ZBTB43: variants seen among roughly 807,000 people sequenced by gnomAD.
ZBTB43 encodes the protein zinc finger and BTB domain containing 43.
ZBTB43 carries 6 observed loss-of-function variants against 31.1 expected under a neutral mutation model. The ratio of observed to expected loss-of-function variants is 0.19; its 90% CI spans 0.11 to 0.38. The LOEUF is 0.38. ZBTB43 is among the 10% of genes least tolerant of loss of function. The probability of loss-of-function intolerance (pLI) is 1.00; values close to 1 mark genes in which losing one functional copy is unlikely to be tolerated. For missense variants in ZBTB43, 379 were observed against 602.1 expected, an observed-to-expected ratio of 0.63 and a Z score of 3.88; for synonymous variants, 212 against 221.7, an observed-to-expected ratio of 0.96 and a Z score of 0.39.
rs111347708 is a variant in ZBTB43, at chr9:126,816,203, T to G, written c.-24+7288T>G. On this transcript the variant is annotated intron_variant, in intron 2 of 2. Coordinates refer to ENST00000373464, the MANE Select transcript of ZBTB43 (RefSeq NM_014007.4). ...GATCTCTCTTCTCTGTTCTCCTGCT[T>G]TATCATCTTCTCTCTCGCTGTTTTC... is the stretch of plus-strand genomic sequence containing the variant. 7.9e-5 allele frequency among the ~76,000 whole-genome samples: 12 copies of G among 152,296 alleles called. 1 individual carries two copies. The highest frequency in any genetic ancestry group is 2.9e-4 in the African/African-American group (12 of 41,562).
chr9:126,824,214 A>T (rs2032580312), intron 2 of ZBTB43, among the ~76,000 whole-genome samples: 1 of 152,136 alleles, frequency 6.6e-6, no homozygotes. Context: ...TTTGGTAGAA[A>T]TGGGGTTTCA....
intron 2 of ZBTB43, among the ~76,000 whole-genome samples, chr9:126,811,109 C>G (rs2032238170): frequency 6.6e-6 from 1 of 151,096 alleles, no homozygotes. Context: ...GTGGTCTCAG[C>G]TACTCAGGAG....
intron 2 of ZBTB43, among the ~76,000 whole-genome samples, chr9:126,814,332 A>AAT (rs2032324238): frequency 6.0e-4 from 4 of 6,712 alleles, no homozygotes; most frequent in Non-Finnish European, 7.7e-4. Flanking sequence ...TAAAATGTAA[A>AAT]TTTTACATCT....
intron 2 of ZBTB43, among the ~76,000 whole-genome samples, chr9:126,826,372 C>G (rs2032636536): frequency 6.6e-6 from 1 of 151,248 alleles, no homozygotes; most frequent in Non-Finnish European, 1.5e-5. Context: ...GTCTCGAACT[C>G]CTGACCTCAA....
chr9:126,828,292 T>A (rs916157270), intron 2 of ZBTB43, among the ~76,000 whole-genome samples: 2 of 151,686 alleles, frequency 1.3e-5, no homozygotes, highest in African/African-American at 4.8e-5. Context: ...CACTCCATTC[T>A]CCTGCCTCAG....
Position 126,833,559 on chromosome 9 carries a change from T to C in ZBTB43, c.1050T>C (p.Asn350=), listed in dbSNP as rs769496767. Residue 350 remains asparagine, a synonymous_variant, in exon 3 of 3, where the codon AAT becomes AAC. Transcript: ENST00000373464. This position sits in a 1 kb window ranked among gnomAD's most constrained non-coding sequence, Gnocchi z 7.9. ...EAALAAGYSE[N]IEMVTGIKEE... is the part of the protein sequence containing the mutation. ...CCCTCGCAGCAGGTTACAGTGAGAATATTGAAATGGTAACAGGGATTAAAG... is the reference window on the plus strand; with the variant it reads ...CCCTCGCAGCAGGTTACAGTGAGAACATTGAAATGGTAACAGGGATTAAAG... 4 of 1,613,926 alleles carry C rather than the reference T, an allele frequency of 2.5e-6. No homozygotes were observed. The highest frequency in any genetic ancestry group is 3.3e-5 in the Admixed American group (2 of 60,002).
chr9:126,814,327 TGTAAATTTTACATCTGTAAAAA>T (rs151092127), intron 2 of ZBTB43, among the ~76,000 whole-genome samples: 2,342 of 146,842 alleles, frequency 0.016, 1 homozygote, highest in Middle Eastern at 0.032. Context: ...ATCTGTAAAA[TGTAAATTTTACATCTGTAAAAA>T]TTTTACAGAT....
intron 1 of ZBTB43, among the ~76,000 whole-genome samples, chr9:126,805,653 A>C (rs2032109282): frequency 6.6e-6 from 1 of 152,154 alleles, no homozygotes; most frequent in African/African-American, 2.4e-5. Context: ...GTCGCTGTCA[A>C]CCTGATATTT....
At chr9:126,816,088 A>C (rs1295952060) in intron 2 of ZBTB43, among the ~76,000 whole-genome samples, 2 of 152,140 alleles carry the variant, frequency 1.3e-5, no homozygotes, top group African/African-American at 4.8e-5. Flanking sequence ...AAGGTTTTCC[A>C]TTCAGGGCAG....
At position 126,835,354 on chromosome 9, in the gene ZBTB43, TCA is replaced by T. The variant is rs2032857148; in HGVS notation, c.*1443_*1444del. 6.0e-6 allele frequency: 1 copy of T among 167,120 alleles called. No individual in the cohort carries two copies. Among genetic ancestry groups the T allele is most frequent in the Admixed American group, 6.5e-5 (1 of 15,290 alleles). 10.4% of individuals were successfully genotyped at this position (167,120 alleles called of 1,614,324 possible). ...AAGCTGTGTAACATACCTGAGGTTA[TCA>T]CCAGGGTAGGACAGGGTGCTACTAC... On this transcript the variant is annotated 3_prime_UTR_variant, in exon 3 of 3. Transcript: ENST00000373464.
chr9:126,827,237 A>G (rs747799064), intron 2 of ZBTB43, among the ~76,000 whole-genome samples: 5 of 152,266 alleles, frequency 3.3e-5, no homozygotes, highest in Middle Eastern at 3.4e-3. Flanking sequence ...GCGTGTACAG[A>G]TGTAGGTGTA....
intron 2 of ZBTB43, among the ~76,000 whole-genome samples, chr9:126,826,106 C>T (rs1284709900): frequency 6.6e-6 from 1 of 151,514 alleles, no homozygotes; most frequent in Non-Finnish European, 1.5e-5. Context: ...CTCCACCTCC[C>T]GGGTTCAAGC....
chr9:126,832,669 A>T lies in ZBTB43; in HGVS notation c.160A>T (p.Ser54Cys). ...GGCACACAAAGCCGTTCTTGCTGCC[A>T]GTTCACCCTACTTTTGTGACCAGGT... ...FRAHKAVLAA[S>C]SPYFCDQVLL... Residue 54 changes from serine to cysteine, a missense_variant, in exon 3 of 3, where the codon AGT (serine) becomes TGT (cysteine). This residue lies in a region of ZBTB43 where 79 missense variants were observed against 134.4 expected (regional missense o/e 0.59). Transcript: ENST00000373464. 2 of 1,614,164 alleles carry T rather than the reference A, an allele frequency of 1.2e-6. No individual in the cohort carries two copies. The highest frequency in any genetic ancestry group is 1.7e-6 in the Non-Finnish European group (2 of 1,180,050).
intron 2 of ZBTB43, among the ~76,000 whole-genome samples, chr9:126,819,279 ATTT>A (rs71377975): frequency 0.012 from 1,215 of 100,156 alleles, 20 homozygotes; most frequent in African/African-American, 0.044. Flanking sequence ...CGGATATTGC[ATTT>A]TTTTTTTTTT....
rs1295564285 is a variant in ZBTB43 at position 126,836,566 on chromosome 9, T to C, written c.*2653T>C. ...ATTTTTGTAAACTCTGGTTTTTACC[T>C]TTTTTTCATCCCCACGTTGAGTTGG... is the stretch of plus-strand genomic sequence containing the variant. On this transcript the variant is annotated 3_prime_UTR_variant, in exon 3 of 3. Coordinates refer to ENST00000373464, the MANE Select transcript of ZBTB43 (RefSeq NM_014007.4). 1.2e-5 allele frequency: 2 copies of C among 167,078 alleles called. No individual in the cohort carries two copies. Among genetic ancestry groups the C allele is most frequent in the African/African-American group, 4.8e-5 (2 of 41,510 alleles). 10.3% of individuals were successfully genotyped at this position (167,078 alleles called of 1,614,324 possible).
chr9:126,836,221 GT>G lies in ZBTB43; in HGVS notation c.*2311del, dbSNP rs1468566775. On this transcript the variant is annotated 3_prime_UTR_variant, in exon 3 of 3. Coordinates refer to ENST00000373464, the MANE Select transcript of ZBTB43 (RefSeq NM_014007.4). ...CATAGTGCCCTTGTCATGAGGAAGA[GT>G]TTCTGTTCAGCCAAGAGTGGTGGCA... 1.2e-5 allele frequency: 2 copies of G among 167,132 alleles called. No homozygotes were observed. Among genetic ancestry groups the G allele is most frequent in the Non-Finnish European group, 2.9e-5 (2 of 68,126 alleles). The allele number at this position is 167,132 out of a possible 1,614,324, so 10.4% of individuals were successfully genotyped here. A position where few individuals can be genotyped will look rare whatever the true frequency, so the allele number is the denominator to read the frequency against.
chr9:126,825,160 C>T (rs867953315), intron 2 of ZBTB43, among the ~76,000 whole-genome samples: 2 of 152,074 alleles, frequency 1.3e-5, no homozygotes, highest in African/African-American at 4.8e-5. Flanking sequence ...AGGCTGGTCT[C>T]GAACTCCTGG....
intron 2 of ZBTB43, among the ~76,000 whole-genome samples, chr9:126,815,642 G>GTCTC (rs78076730): frequency 7.8e-6 from 1 of 129,018 alleles, no homozygotes; most frequent in Non-Finnish European, 1.7e-5. Context: ...TTTTATTTGG[G>GTCTC]TCTCTCTCTC....
rs140947265 is a variant in ZBTB43 at position 126,826,588 on chromosome 9, C to T, written c.-23-5899C>T. 9.8e-3 allele frequency among the ~76,000 whole-genome samples: 1,476 copies of T among 151,178 alleles called. 24 individuals are homozygous for T. The highest frequency in any genetic ancestry group is 0.034 in the African/African-American group (1,412 of 41,264). On this transcript the variant is annotated intron_variant, in intron 2 of 2. Transcript: ENST00000373464. ...ACGCCATTCTCCCACATCAGCCTCC[C>T]GAGTAGCTGGGACTACAGGCGCCCG...
Sources: allele counts gnomAD v4.1 joint callset (sites outside exome capture counted in the v4.1 genomes callset), GRCh38; gene constraint gnomAD v4.1.1; regional missense constraint gnomAD v4.1.1; non-coding constraint Gnocchi (gnomAD v3.1); transcripts MANE v1.5; gene names NCBI Gene and HGNC (gene_info 2026-07-23, HGNC 2026-07-21).